Variants in RNF31 observed in about 807,000 individuals in gnomAD.
RNF31 encodes the protein ring finger protein 31, also known as E3 ubiquitin-protein ligase RNF31.
In RNF31, 38 loss-of-function variants were observed where a neutral mutation model predicts 133.6. The observed-to-expected ratio is 0.28, with a 90% CI of 0.22 to 0.37. RNF31 has a LOEUF of 0.37. RNF31 is among the 10% of genes least tolerant of loss of function. The pLI is 1.00. For synonymous variants in RNF31, 582 were observed against 552.3 expected, an observed-to-expected ratio of 1.05 and a Z score of -0.75; for missense variants, 1,118 against 1,394.1, an observed-to-expected ratio of 0.80 and a Z score of 3.15.
At chr14:24,153,909 A>C (rs1020739286) in intron 11 of RNF31, among the ~76,000 whole-genome samples, 4 of 152,138 alleles carry the variant, frequency 2.6e-5, no homozygotes, top group African/African-American at 9.7e-5. Context: ...GTCTCAAAAT[A>C]AATTAAATAA....
Position 24,148,255 on chromosome 14 carries a change from C to G in RNF31, c.340-3C>G. 1 of 1,614,066 alleles carries G rather than the reference C, an allele frequency of 6.2e-7. No individual in the cohort carries two copies. Among genetic ancestry groups the G allele is most frequent in the Non-Finnish European group, 8.5e-7 (1 of 1,180,012 alleles). On this transcript the variant is annotated splice_polypyrimidine_tract_variant and splice_region_variant and intron_variant, in intron 2 of 20. Transcript: ENST00000324103. Reference sequence around the variant, plus strand: ...GGTGGTGACTCGTTTGAATGTGTGGCAGGGGGGCCGAGATGTGCTGCGATT... The same window carrying G: ...GGTGGTGACTCGTTTGAATGTGTGGGAGGGGGGCCGAGATGTGCTGCGATT...
rs755545831 is a variant in RNF31, at chr14:24,155,530, G to A, written c.2403+18G>A. The A allele has an allele frequency of 7.4e-6, 12 of 1,613,920 alleles. No individual in the cohort carries two copies. The Admixed American group carries it at 2.0e-4, about 27-fold the overall frequency. On this transcript the variant is annotated intron_variant, in intron 13 of 20. Coordinates refer to ENST00000324103, the MANE Select transcript of RNF31 (RefSeq NM_017999.5). This position sits in a 1 kb window ranked among gnomAD's most constrained non-coding sequence, Gnocchi z 4.9. ...GTGCCCAGGTAAGTGGCCTGCCCAG[G>A]GCAGCTACTGTGGAGGGGCAGGGGA...
rs375201462 is a variant in RNF31 at position 24,148,822 on chromosome 14, G to T, written c.577G>T (p.Asp193Tyr). 8 of 1,614,076 alleles carry T rather than the reference G, an allele frequency of 5.0e-6. No individual in the cohort carries two copies. The Middle Eastern group carries it at 8.2e-4, about 166-fold the overall frequency. Reference sequence around the variant, plus strand: ...TCAGATGCTGCAGCTTTCAGAATTTGACCCCCTATTGAGAGAGATTGCTCC... The same window carrying T: ...TCAGATGCTGCAGCTTTCAGAATTTTACCCCCTATTGAGAGAGATTGCTCC... ...EDDMLQLSEF[D>Y]PLLREIAPGP... The change falls in exon 5 of 21, where the codon GAC (aspartate) becomes TAC (tyrosine). Residue 193 changes from aspartate (D) to tyrosine (Y), a missense_variant. Transcript: ENST00000324103.
rs1326476418 is a variant in RNF31 at position 24,150,648 on chromosome 14, T to G, written c.1248T>G (p.Ile416Met). The G allele has an allele frequency of 2.5e-6, 4 of 1,613,994 alleles. No individual in the cohort carries two copies. Among genetic ancestry groups the G allele is most frequent in the Non-Finnish European group, 3.4e-6 (4 of 1,179,930 alleles). Residue 416 changes from isoleucine to methionine, a missense_variant, in exon 8 of 21, where the codon ATT (isoleucine) becomes ATG (methionine). Ile to Met is a conservative substitution (Grantham distance 10). Coordinates refer to ENST00000324103, the MANE Select transcript of RNF31 (RefSeq NM_017999.5). The stretch of plus-strand genomic sequence containing the variant: ...CCCAGAGTCAAGTCTGGTACTGTAT[T>G]CACTGTACCTTCTGCAACTCGAGCC... ...ASAQSQVWYC[I>M]HCTFCNSSPG...
chr14:24,156,553 G>A (rs988592119), intron 14 of RNF31, among the ~76,000 whole-genome samples: 82 of 152,278 alleles, frequency 5.4e-4, no homozygotes, highest in African/African-American at 1.9e-3. Context: ...GCCATGGTGG[G>A]TGGATCACTT....
rs1423136891 is a variant in RNF31 at position 24,160,602 on chromosome 14, C to T, written c.*29C>T. 1 of 1,498,802 alleles carries T rather than the reference C, an allele frequency of 6.7e-7. No individual in the cohort carries two copies. The highest frequency in any genetic ancestry group is 1.4e-5 in the African/African-American group (1 of 71,422). The allele number at this position is 1,498,802 out of a possible 1,614,324, so 92.8% of individuals were successfully genotyped here. A position where few individuals can be genotyped will look rare whatever the true frequency, so the allele number is the denominator to read the frequency against. On this transcript the variant is annotated 3_prime_UTR_variant, in exon 21 of 21. Transcript: ENST00000324103. This position sits in a 1 kb window ranked among gnomAD's most constrained non-coding sequence, Gnocchi z 4.0. The stretch of plus-strand genomic sequence containing the variant: ...AGGGCAAGGGTCCCGATGAGGGTCC[C>T]ATGGCCTGCTCCCTCAGGAACAGCT...
At position 24,147,672 on chromosome 14, in the gene RNF31, G is replaced by A; in HGVS notation, c.-27G>A. On this transcript the variant is annotated 5_prime_UTR_variant, in exon 1 of 21. Coordinates refer to ENST00000324103, the MANE Select transcript of RNF31 (RefSeq NM_017999.5). ...CCCGCGCCGGGTCCTGGCGGGCGGC[G>A]AGGCTGGGGCTGACTCCTGCCTCAG... 1.4e-6 allele frequency: 2 copies of A among 1,383,392 alleles called. No individual in the cohort carries two copies. The highest frequency in any genetic ancestry group is 1.9e-6 in the Non-Finnish European group (2 of 1,076,052). The allele number at this position is 1,383,392 out of a possible 1,614,324, so 85.7% of individuals were successfully genotyped here.
At chr14:24,149,054 C>G in intron 5 of RNF31, 178 bp downstream of exon 5, 1 of 657,826 alleles carries the variant, frequency 1.5e-6, no homozygotes, top group East Asian at 2.7e-5. Context: ...ACCTCCACCT[C>G]CCGGGTTCAA....
Position 24,155,157 on chromosome 14 carries a change from A to C in RNF31, c.2131A>C (p.Met711Leu), listed in dbSNP as rs1566615750. 2 of 1,613,524 alleles carry C rather than the reference A, an allele frequency of 1.2e-6. No individual in the cohort carries two copies. The highest frequency in any genetic ancestry group is 1.7e-6 in the Non-Finnish European group (2 of 1,179,604). The change falls in exon 12 of 21, where the codon ATG becomes CTG. Residue 711 changes from methionine to leucine, a missense_variant and splice_region_variant. Around this residue, in one of 3 missense-constraint regions of RNF31, gnomAD observed 201 missense variants for 371.7 expected, o/e 0.54. Coordinates refer to ENST00000324103, the MANE Select transcript of RNF31 (RefSeq NM_017999.5). This position sits in a 1 kb window ranked among gnomAD's most constrained non-coding sequence, Gnocchi z 4.9. ...VCGWALPHNR[M>L]QALTSCECTI... ...TCCCCTCCAACCCCTCACCCTCCAG[A>C]TGCAGGCCCTGACTTCCTGTGAGTG...
chr14:24,149,696 C>A, intron 6 of RNF31, 113 bp downstream of exon 6: 1 of 1,045,448 alleles, frequency 9.6e-7, no homozygotes, highest in Non-Finnish European at 1.4e-6. Flanking sequence ...GGACAAGTAG[C>A]CAGTCAGAAC....
Position 24,155,499 on chromosome 14 carries a change from T to G in RNF31, c.2390T>G (p.Leu797Trp), listed in dbSNP as rs1470864995. 1 of 1,614,078 alleles carries G rather than the reference T, an allele frequency of 6.2e-7. No homozygotes were observed. Among genetic ancestry groups the G allele is most frequent in the Non-Finnish European group, 8.5e-7 (1 of 1,180,034 alleles). The stretch of plus-strand genomic sequence containing the variant: ...GTGCTGATGCGGGACCCCAAGTTCT[T>G]GTGGTGTGCCCAGGTAAGTGGCCTG... ...EGVLMRDPKF[L>W]WCAQCSFGFI... The change falls in exon 13 of 21, where the codon TTG (leucine) becomes TGG (tryptophan). Residue 797 changes from leucine to tryptophan, a missense_variant. Physicochemically the swap from Leu to Trp is moderately conservative, Grantham distance 61 (BLOSUM62 -2). Transcript: ENST00000324103. This position sits in a 1 kb window ranked among gnomAD's most constrained non-coding sequence, Gnocchi z 4.9.
At chr14:24,147,342 C>G (rs1284291147), upstream of RNF31, 1 of 219,378 alleles carries the variant, frequency 4.6e-6, no homozygotes, top group Non-Finnish European at 8.9e-6. Context: ...GATGCTGGCG[C>G]GCTCTGAGGG....
chr14:24,156,495 T>C (rs2038342635), intron 14 of RNF31, among the ~76,000 whole-genome samples: 1 of 152,100 alleles, frequency 6.6e-6, no homozygotes, highest in African/African-American at 2.4e-5. Flanking sequence ...AAGTGTAATA[T>C]TTGGCTAGGC....
At position 24,151,512 on chromosome 14, in the gene RNF31, G is replaced by C. The variant is rs769737716; in HGVS notation, c.1765G>C (p.Gly589Arg). Residue 589 changes from glycine (G) to arginine (R), a missense_variant, in exon 10 of 21, where the codon GGG (glycine) becomes CGG (arginine). Around this residue, in one of 3 missense-constraint regions of RNF31, gnomAD observed 747 missense variants for 827.9 expected, o/e 0.90. Coordinates refer to ENST00000324103, the MANE Select transcript of RNF31 (RefSeq NM_017999.5). This position sits in a 1 kb window ranked among gnomAD's most constrained non-coding sequence, Gnocchi z 5.3. ...KVQELQSLGF[G>R]PEEGSLQALF... The stretch of plus-strand genomic sequence containing the variant: ...GCAGGAGCTCCAGTCTCTAGGCTTT[G>C]GGCCTGAGGAGGGGTCTCTCCAGGC... 2.5e-6 allele frequency: 4 copies of C among 1,614,208 alleles called. No homozygotes were observed. The East Asian group carries it at 8.9e-5, about 36-fold the overall frequency.
rs745905331 is a variant in RNF31 at position 24,151,790 on chromosome 14, T to C, written c.1928T>C (p.Leu643Pro). ...TCCACCTGAATCATATTGCAGAGCC[T>C]GGTCAGGCGGCTTTTGGCAGTCTAC... Reference protein sequence around the residue: ...PSWDGPDKQSLVRRLLAVYAL... With the variant: ...PSWDGPDKQSPVRRLLAVYAL... Residue 643 changes from leucine to proline, a missense_variant, in exon 11 of 21, where the codon CTG (leucine) becomes CCG (proline). Physicochemically the swap from Leu to Pro is moderately conservative, Grantham distance 98 (BLOSUM62 -3). Coordinates refer to ENST00000324103, the MANE Select transcript of RNF31 (RefSeq NM_017999.5). The surrounding 1 kb of genome is among the most constrained non-coding windows in gnomAD (Gnocchi z 5.3). 2 of 1,608,956 alleles carry C rather than the reference T, an allele frequency of 1.2e-6. No homozygotes were observed. Among genetic ancestry groups the C allele is most frequent in the Non-Finnish European group, 1.7e-6 (2 of 1,176,886 alleles).
At chr14:24,157,034 T>G (rs2038350380) in intron 14 of RNF31, among the ~76,000 whole-genome samples, 1 of 151,676 alleles carries the variant, frequency 6.6e-6, no homozygotes, top group South Asian at 2.1e-4. Flanking sequence ...TGGAGTAAAG[T>G]GGTAGCAGTA....
At position 24,147,721 on chromosome 14, in the gene RNF31, G is replaced by T; in HGVS notation, c.23G>T (p.Arg8Leu). Residue 8 changes from arginine (R) to leucine (L), a missense_variant, in exon 1 of 21, where the codon CGG becomes CTG. By Grantham distance (102) the Arg-to-Leu change is moderately radical (BLOSUM62 -2). Transcript: ENST00000324103. MPGEEEE[R>L]AFLVAREELA... ...AGGATGCCGGGGGAGGAAGAGGAGC[G>T]GGCCTTCCTGGTGGCCCGCGAGGAG... 1 of 1,540,328 alleles carries T rather than the reference G, an allele frequency of 6.5e-7. No homozygotes were observed. The highest frequency in any genetic ancestry group is 8.7e-7 in the Non-Finnish European group (1 of 1,148,916).
chr14:24,160,562 A>G lies in RNF31; in HGVS notation c.3208A>G (p.Arg1070Gly). 6.5e-7 allele frequency: 1 copy of G among 1,533,708 alleles called. No homozygotes were observed. Among genetic ancestry groups the G allele is most frequent in the South Asian group, 1.3e-5 (1 of 78,846 alleles). ...ACCCTTGGGACAGAGTATCCCCCGC[A>G]GGCGGAAGTAGCTGAGGGCAAGGGT... Reference protein sequence around the residue: ...EVPLGQSIPRRRK With the variant: ...EVPLGQSIPRGRK Residue 1070 changes from arginine to glycine, a missense_variant, in exon 21 of 21, where the codon AGG becomes GGG. Around this residue, in one of 3 missense-constraint regions of RNF31, gnomAD observed 170 missense variants for 194.5 expected, o/e 0.87. Transcript: ENST00000324103. The surrounding 1 kb of genome is among the most constrained non-coding windows in gnomAD (Gnocchi z 4.0).
Position 24,148,350 on chromosome 14 carries a change from C to T in RNF31, c.432C>T (p.His144=). The change falls in exon 3 of 21, where the codon CAC becomes CAT. Residue 144 remains histidine (H), a synonymous_variant. Transcript: ENST00000324103. ...FPEGQEEPDE[H]QVATVTLEVL... ...AAGGGCAGGAGGAGCCAGATGAGCACCAGGTTGCTACAGTCACACTGGAAG... is the reference window on the plus strand; with the variant it reads ...AAGGGCAGGAGGAGCCAGATGAGCATCAGGTTGCTACAGTCACACTGGAAG... The T allele has an allele frequency of 6.2e-7, 1 of 1,614,218 alleles. No homozygotes were observed. Among genetic ancestry groups the T allele is most frequent in the Non-Finnish European group, 8.5e-7 (1 of 1,180,042 alleles).
Sources: allele counts gnomAD v4.1 joint callset (sites outside exome capture counted in the v4.1 genomes callset), GRCh38; gene constraint gnomAD v4.1.1; regional missense constraint gnomAD v4.1.1; non-coding constraint Gnocchi (gnomAD v3.1); transcripts MANE v1.5; gene names NCBI Gene and HGNC (gene_info 2026-07-23, HGNC 2026-07-21).